Variants in SVEP1 observed in about 807,000 individuals in gnomAD.
SVEP1 encodes sushi, von Willebrand factor type A, EGF and pentraxin domain containing 1, also known as sushi, von Willebrand factor type A, EGF and pentraxin domain-containing protein 1.
SVEP1 carries 164 observed loss-of-function variants against 367.3 expected under a neutral mutation model. The observed-to-expected ratio is 0.45, with a 90% CI of 0.39 to 0.51. The LOEUF (loss-of-function observed/expected upper bound fraction) is 0.51. Among genes scored for constraint, SVEP1 ranks in the 20% least tolerant of loss-of-function variants. The pLI, the probability that SVEP1 is intolerant of heterozygous loss-of-function variation, is 0.00. For synonymous variants in SVEP1, 1,666 were observed against 1,611.6 expected, an observed-to-expected ratio of 1.03 and a Z score of -0.81; for missense variants, 4,117 against 4,425.3, an observed-to-expected ratio of 0.93 and a Z score of 1.98.
chr9:110,427,539 G>T (rs1828274025), intron 36 of SVEP1, 52 bp downstream of exon 36: 17 of 1,570,430 alleles, frequency 1.1e-5, no homozygotes, highest in Non-Finnish European at 1.5e-5. Flanking sequence ...GCAGTCAGGA[G>T]CATCCACTTC....
intron 7 of SVEP1, among the ~76,000 whole-genome samples, chr9:110,498,072 A>G (rs574161596): frequency 2.0e-5 from 3 of 152,360 alleles, no homozygotes; most frequent in African/African-American, 7.2e-5. Context: ...TATCCTGTAC[A>G]CATTGCTACA....
Position 110,411,209 on chromosome 9 carries a change from C to T in SVEP1, c.6502G>A (p.Val2168Met). The change falls in exon 37 of 48, where the codon GTG (valine) becomes ATG (methionine). Residue 2168 changes from valine to methionine, a missense_variant. Around this residue, in one of 4 missense-constraint regions of SVEP1, gnomAD observed 1,765 missense variants for 1,781.1 expected, o/e 0.99. Coordinates refer to ENST00000374469, the MANE Select transcript of SVEP1 (RefSeq NM_153366.4). Reference protein sequence around the residue: ...SGSNYSFGAMVAYSCNKGFYI... With the variant: ...SGSNYSFGAMMAYSCNKGFYI... ...AACCCCTTGTTGCAGCTGTAAGCCA[C>T]CATGGCTCCAAAACTGTAGTTTGAT... is the stretch of plus-strand genomic sequence containing the variant. 1 of 1,614,032 alleles carries T rather than the reference C, an allele frequency of 6.2e-7. No homozygotes were observed. The highest frequency in any genetic ancestry group is 1.1e-5 in the South Asian group (1 of 91,082).
chr9:110,463,634 AAAAGAAAG>A (rs199795555), intron 18 of SVEP1, among the ~76,000 whole-genome samples: 2 of 149,232 alleles, frequency 1.3e-5, no homozygotes, highest in Admixed American at 6.7e-5. Flanking sequence ...GAAAGGAAGA[AAAAGAAAG>A]AAAGAAAGGC....
chr9:110,524,438 TA>T lies in SVEP1; in HGVS notation c.965-10333del, dbSNP rs1161596303. ...AATGTTAGCAAATGGAATTCAGCAA[TA>T]TGTAAAAAGAATTATACATCATGAT... On this transcript the variant is annotated intron_variant, in intron 3 of 47. Coordinates refer to ENST00000374469, the MANE Select transcript of SVEP1 (RefSeq NM_153366.4). 9.2e-5 allele frequency among the ~76,000 whole-genome samples: 14 copies of T among 152,110 alleles called. 1 individual carries two copies. Among genetic ancestry groups the T allele is most frequent in the Admixed American group, 9.2e-4 (14 of 15,256 alleles).
Position 110,442,234 on chromosome 9 carries a change from A to G in SVEP1, c.4639+1311T>C, listed in dbSNP as rs76553981. Among the ~76,000 whole-genome samples the G allele has an allele frequency of 6.7e-3, 1,024 of 152,272 alleles. 9 individuals carry two copies. Among genetic ancestry groups the G allele is most frequent in the East Asian group, 0.033 (169 of 5,164 alleles). On this transcript the variant is annotated intron_variant, in intron 27 of 47. Transcript: ENST00000374469. ...ACACAGCATTTAGTGTGATTATGTGATGAACACCTCACTCTCTGACCACAA... is the reference window on the plus strand; with the variant it reads ...ACACAGCATTTAGTGTGATTATGTGGTGAACACCTCACTCTCTGACCACAA...
chr9:110,422,636 C>T (rs1383307984), intron 36 of SVEP1, among the ~76,000 whole-genome samples: 4 of 107,684 alleles, frequency 3.7e-5, no homozygotes, highest in Non-Finnish European at 5.8e-5. Flanking sequence ...ACCCAAAGGA[C>T]TATAAATCAT....
chr9:110,453,884 T>TA (rs34249642), intron 22 of SVEP1, among the ~76,000 whole-genome samples: 4,650 of 145,464 alleles, frequency 0.032, 74 homozygotes, highest in Middle Eastern at 0.06. Context: ...ATACAAAAAT[T>TA]AAAAAAAAAA....
intron 1 of SVEP1, among the ~76,000 whole-genome samples, chr9:110,574,523 C>T (rs1830602440): frequency 6.6e-6 from 1 of 152,110 alleles, no homozygotes. Context: ...GATAGCTTAC[C>T]ATTTTCAAAC....
At chr9:110,366,625 T>C in intron 47 of SVEP1, 65 bp from the exon 48 acceptor site, 2 of 1,450,016 alleles carry the variant, frequency 1.4e-6, no homozygotes, top group Non-Finnish European at 1.8e-6. Flanking sequence ...AGAGCTAACA[T>C]CTCTTTAGGA....
intron 1 of SVEP1, among the ~76,000 whole-genome samples, chr9:110,569,340 C>T (rs1830527987): frequency 1.3e-5 from 2 of 151,684 alleles, no homozygotes; most frequent in Admixed American, 1.3e-4. Flanking sequence ...CCTGTAATCC[C>T]AGCTACTTGG....
chr9:110,379,279 C>G, intron 44 of SVEP1, 68 bp downstream of exon 44: 11 of 1,536,398 alleles, frequency 7.2e-6, no homozygotes, highest in Non-Finnish European at 9.7e-6. Flanking sequence ...AATTGCTGGA[C>G]AAATCAGATT....
intron 9 of SVEP1, among the ~76,000 whole-genome samples, chr9:110,487,838 A>G (rs1829306639): frequency 6.6e-6 from 1 of 152,200 alleles, no homozygotes; most frequent in South Asian, 2.1e-4. Flanking sequence ...ATTGAGGTAT[A>G]GAGCAGGAAC....
intron 3 of SVEP1, among the ~76,000 whole-genome samples, chr9:110,530,424 T>C (rs1166975544): frequency 3.9e-5 from 6 of 152,176 alleles, no homozygotes; most frequent in Admixed American, 6.5e-5. Flanking sequence ...CTTTGATACA[T>C]GGAATAGAAT....
rs890405568 is a variant in SVEP1, at chr9:110,387,906, G to A, written c.9887-448C>T. On this transcript the variant is annotated intron_variant, in intron 41 of 47. Transcript: ENST00000374469. ...ACAAATACATTTTTAGTATAAGCGT[G>A]TCTCCGATATTGCATATTTATAAGT... 1.3e-4 allele frequency among the ~76,000 whole-genome samples: 20 copies of A among 152,152 alleles called. 1 individual carries two copies. Among genetic ancestry groups the A allele is most frequent in the African/African-American group, 4.3e-4 (18 of 41,456 alleles).
rs373863708 is a variant in SVEP1, at chr9:110,469,003, T to G, written c.3097A>C (p.Lys1033Gln). The part of the protein sequence containing the change: ...YQDEEGQLEC[K>Q]LCPSGMYTEY... The stretch of plus-strand genomic sequence containing the variant: ...GTGTACATCCCAGAGGGGCAAAGCT[T>G]GCACTCAAGTTGCCCTTCTTCATCT... Residue 1033 changes from lysine to glutamine, a missense_variant, in exon 17 of 48, where the codon AAG (lysine) becomes CAG (glutamine). Transcript: ENST00000374469. The G allele has an allele frequency of 1.3e-5, 21 of 1,613,834 alleles. No individual in the cohort carries two copies. The highest frequency in any genetic ancestry group is 1.7e-5 in the Non-Finnish European group (20 of 1,179,866).
chr9:110,385,993 G>C lies in SVEP1; in HGVS notation c.10142C>G (p.Ser3381Cys), dbSNP rs777328534. Residue 3381 changes from serine (S) to cysteine (C), a missense_variant, in exon 43 of 48, where the codon TCC (serine) becomes TGC (cysteine). By Grantham distance (112) the Ser-to-Cys change is moderately radical. Coordinates refer to ENST00000374469, the MANE Select transcript of SVEP1 (RefSeq NM_153366.4). ...CAGAAAACCTTCCCTACATTTGATG[G>C]ACACATTCTGATCAACATAAAACTC... is the stretch of plus-strand genomic sequence containing the variant. ...EKEFYVDQNV[S>C]IKCREGFLLQ... 1.2e-6 allele frequency: 2 copies of C among 1,613,754 alleles called. No homozygotes were observed. Among genetic ancestry groups the C allele is most frequent in the Non-Finnish European group, 1.7e-6 (2 of 1,179,858 alleles).
intron 1 of SVEP1, among the ~76,000 whole-genome samples, chr9:110,573,171 C>T (rs1452824152): frequency 6.8e-6 from 1 of 147,490 alleles, no homozygotes; most frequent in Non-Finnish European, 1.5e-5. Context: ...AGTACCCCCA[C>T]CCCTTCCTAT....
chr9:110,407,440 A>G lies in SVEP1; in HGVS notation c.8160T>C (p.Pro2720=), dbSNP rs760796631. The G allele has an allele frequency of 6.2e-6, 10 of 1,614,038 alleles. No individual in the cohort carries two copies. Among genetic ancestry groups the G allele is most frequent in the Non-Finnish European group, 7.6e-6 (9 of 1,179,900 alleles). ...GCAAAAAGCCATTTTCAGGAGCAGT[A>G]GGCAAGTCACATTCAATTGAAATGC... ...PSCISIECDL[P]TAPENGFLRF... The change falls in exon 38 of 48, where the codon CCT becomes CCC. Residue 2720 remains proline, a synonymous_variant. Transcript: ENST00000374469.
chr9:110,476,924 A>G (rs1829105440), intron 13 of SVEP1, among the ~76,000 whole-genome samples: 1 of 152,140 alleles, frequency 6.6e-6, no homozygotes, highest in African/African-American at 2.4e-5. Flanking sequence ...TCTGAAGCTC[A>G]TGCTGTCAAC....
Sources: allele counts gnomAD v4.1 joint callset (sites outside exome capture counted in the v4.1 genomes callset), GRCh38; gene constraint gnomAD v4.1.1; regional missense constraint gnomAD v4.1.1; transcripts MANE v1.5; gene names NCBI Gene and HGNC (gene_info 2026-07-23, HGNC 2026-07-21).